TOX: variants seen among roughly 807,000 people sequenced by gnomAD.
TOX encodes thymocyte selection-associated high mobility group box protein TOX.
TOX carries 11 observed loss-of-function variants against 53.7 expected under a neutral mutation model. The observed-to-expected ratio is 0.20, with a 90% CI of 0.13 to 0.34. The LOEUF is 0.34. TOX is among the 10% of genes least tolerant of loss of function. The pLI is 1.00. For missense variants in TOX, 570 were observed against 664.6 expected (o/e 0.86, Z 1.56); for synonymous variants, 225 against 245.3 (o/e 0.92, Z 0.77).
intron 1 of TOX, among the ~76,000 whole-genome samples, chr8:59,111,937 A>T (rs1805023072): frequency 6.6e-6 from 1 of 152,214 alleles, no homozygotes; most frequent in East Asian, 1.9e-4. Flanking sequence ...AGAAAAAAGC[A>T]TTAATAGTGA....
At chr8:58,964,553 A>G (rs1204455228) in intron 1 of TOX, among the ~76,000 whole-genome samples, 2 of 152,168 alleles carry the variant, frequency 1.3e-5, no homozygotes, top group East Asian at 1.9e-4. Context: ...ACCCCATGCC[A>G]TGGGCTTGTG....
chr8:59,067,282 G>C (rs2129422346), intron 1 of TOX, among the ~76,000 whole-genome samples: 1 of 152,274 alleles, frequency 6.6e-6, no homozygotes. Flanking sequence ...GGCCGGCCGA[G>C]GGGGCTCACC....
intron 1 of TOX, among the ~76,000 whole-genome samples, chr8:59,053,919 A>G (rs117249024): frequency 0.023 from 3,546 of 152,274 alleles, 120 homozygotes; most frequent in East Asian, 0.11. Flanking sequence ...TATATCATAC[A>G]TTTTCAAAAA....
chr8:58,953,848 C>T (rs1411675434), intron 2 of TOX, among the ~76,000 whole-genome samples: 1 of 151,740 alleles, frequency 6.6e-6, no homozygotes, highest in Non-Finnish European at 1.5e-5. Flanking sequence ...TTATGGCCCA[C>T]AGTAAAGATA....
At chr8:58,999,589 G>C (rs1813651003) in intron 1 of TOX, among the ~76,000 whole-genome samples, 4 of 152,178 alleles carry the variant, frequency 2.6e-5, no homozygotes, top group African/African-American at 9.6e-5. Flanking sequence ...TGAATTAAAT[G>C]CATAGAGGTT....
chr8:59,118,604 G>GC lies in TOX; in HGVS notation c.102+281dup, dbSNP rs1321779362. 2.6e-5 allele frequency among the ~76,000 whole-genome samples: 4 copies of GC among 152,030 alleles called. No homozygotes were observed. Among genetic ancestry groups the GC allele is most frequent in the Non-Finnish European group, 5.9e-5 (4 of 68,004 alleles). On this transcript the variant is annotated intron_variant, in intron 1 of 8. Coordinates refer to ENST00000361421, the MANE Select transcript of TOX (RefSeq NM_014729.3). This position sits in a 1 kb window ranked among gnomAD's most constrained non-coding sequence, Gnocchi z 4.1. Reference sequence around the variant, plus strand: ...GTTTTCTCTTATTATTTTTTTAAACGCCCCCCGGCAAACCTAGGCAGGGAT... The same window carrying GC: ...GTTTTCTCTTATTATTTTTTTAAACGCCCCCCCGGCAAACCTAGGCAGGGAT...
At chr8:58,905,911 A>G (rs1428665430) in intron 3 of TOX, among the ~76,000 whole-genome samples, 5 of 152,212 alleles carry the variant, frequency 3.3e-5, no homozygotes, top group Admixed American at 3.3e-4. Context: ...AGAACAGTAA[A>G]GCATCTCATA....
chr8:58,970,049 T>C (rs1164322213), intron 1 of TOX, among the ~76,000 whole-genome samples: 1 of 152,202 alleles, frequency 6.6e-6, no homozygotes, highest in African/African-American at 2.4e-5. Flanking sequence ...AATATACTCC[T>C]AGATAAAAAA....
intron 1 of TOX, among the ~76,000 whole-genome samples, chr8:58,975,869 C>T (rs555874165): frequency 6.6e-6 from 1 of 152,006 alleles, no homozygotes; most frequent in Non-Finnish European, 1.5e-5. Flanking sequence ...GTCAAGAGAT[C>T]GAGACCATCC....
chr8:58,924,434 T>TAACC (rs1480192312), intron 3 of TOX, among the ~76,000 whole-genome samples: 9 of 152,194 alleles, frequency 5.9e-5, no homozygotes, highest in Non-Finnish European at 1.0e-4. Flanking sequence ...CAAGAACCCA[T>TAACC]AACCAGATCT....
intron 2 of TOX, among the ~76,000 whole-genome samples, chr8:58,945,890 A>C (rs1812514971): frequency 6.6e-6 from 1 of 152,044 alleles, no homozygotes; most frequent in South Asian, 2.1e-4. Context: ...GTCTCTGTCC[A>C]CATATTGCAA....
chr8:58,869,931 T>A (rs1398617777), intron 3 of TOX, among the ~76,000 whole-genome samples: 2 of 151,970 alleles, frequency 1.3e-5, no homozygotes, highest in Admixed American at 6.6e-5. Flanking sequence ...TTCCTCAACT[T>A]GATTTTTAAA....
rs1213813314 is a variant in TOX, at chr8:59,118,479, G to GGGGA, written c.102+403_102+406dup. 6.6e-6 allele frequency among the ~76,000 whole-genome samples: 1 copy of GGGGA among 152,162 alleles called. No individual in the cohort carries two copies. Among genetic ancestry groups the GGGGA allele is most frequent in the Non-Finnish European group, 1.5e-5 (1 of 68,024 alleles). On this transcript the variant is annotated intron_variant, in intron 1 of 8. Coordinates refer to ENST00000361421, the MANE Select transcript of TOX (RefSeq NM_014729.3). The surrounding 1 kb of genome is among the most constrained non-coding windows in gnomAD (Gnocchi z 4.1). Reference sequence around the variant, plus strand: ...GTGGTGCCACGAGCCCCCACTGCCCGGGGAGGGAGGGAGAGAGAAGGGGGA... The same window carrying GGGGA: ...GTGGTGCCACGAGCCCCCACTGCCCGGGGAGGGAGGGAGGGAGAGAGAAGGGGGA...
chr8:59,020,094 C>T (rs937627263), intron 1 of TOX, among the ~76,000 whole-genome samples: 4 of 152,120 alleles, frequency 2.6e-5, no homozygotes, highest in Non-Finnish European at 4.4e-5. Context: ...AACCTTAGCT[C>T]GGAAGATAGT....
At chr8:58,932,742 G>T (rs111481217) in intron 3 of TOX, among the ~76,000 whole-genome samples, 2 of 152,158 alleles carry the variant, frequency 1.3e-5, no homozygotes, top group African/African-American at 4.8e-5. Flanking sequence ...TCCTTGATGT[G>T]CGGCACTCCC....
intron 4 of TOX, among the ~76,000 whole-genome samples, chr8:58,843,685 A>G (rs977505180): frequency 6.6e-6 from 1 of 152,198 alleles, no homozygotes; most frequent in Non-Finnish European, 1.5e-5. Flanking sequence ...TGTCTTATGA[A>G]CACTGGGCAT....
chr8:58,857,084 C>G (rs995158645), intron 3 of TOX, among the ~76,000 whole-genome samples: 1 of 152,090 alleles, frequency 6.6e-6, no homozygotes, highest in Non-Finnish European at 1.5e-5. Flanking sequence ...TAGAACAGAT[C>G]TTGGCACGTA....
At chr8:59,103,833 G>A (rs1449037230) in intron 1 of TOX, among the ~76,000 whole-genome samples, 1 of 152,186 alleles carries the variant, frequency 6.6e-6, no homozygotes, top group African/African-American at 2.4e-5. Context: ...AATAACTTGA[G>A]TAAATATTAC....
In TOX at chr8:59,118,910, G is replaced by A. The variant is rs1307267269; in HGVS notation, c.78C>T (p.Cys26=). 1 of 1,595,542 alleles carries A rather than the reference G, an allele frequency of 6.3e-7. No individual in the cohort carries two copies. The highest frequency in any genetic ancestry group is 8.5e-7 in the Non-Finnish European group (1 of 1,170,708). ...CCTTGTTGCAATAGTAGGGGTCCAG[G>A]CAGGGAGAAGGTCCCAGACAGGGAG... ...PDAPCLGPSP[C]LDPYYCNKFD... Residue 26 remains cysteine (C), a synonymous_variant, in exon 1 of 9, where the codon TGC becomes TGT. Coordinates refer to ENST00000361421, the MANE Select transcript of TOX (RefSeq NM_014729.3). The surrounding 1 kb of genome is among the most constrained non-coding windows in gnomAD (Gnocchi z 4.1).
Sources: gnomAD v4.1 joint callset for allele counts (sites outside exome capture counted in the v4.1 genomes callset) on GRCh38, gnomAD v4.1.1 for gene constraint, Gnocchi (gnomAD v3.1) non-coding constraint, MANE v1.5 for transcripts, NCBI Gene and HGNC (gene_info 2026-07-23, HGNC 2026-07-21) for gene names.